Variants in EIF2AK2 observed in about 807,000 individuals in gnomAD.
EIF2AK2 encodes eukaryotic translation initiation factor 2 alpha kinase 2.
In EIF2AK2, 40 loss-of-function variants were observed where a neutral mutation model predicts 70.5. The ratio of observed to expected loss-of-function variants is 0.57; its 90% CI spans 0.44 to 0.74. EIF2AK2 has a LOEUF of 0.74. EIF2AK2 is among the 30% of genes least tolerant of loss of function. The pLI, the probability that EIF2AK2 is intolerant of heterozygous loss-of-function variation, is 0.00. For missense variants in EIF2AK2, 555 were observed against 644.3 expected (o/e 0.86, Z 1.50); for synonymous variants, 198 against 220.9 (o/e 0.90, Z 0.92).
At chr2:37,135,622 C>A in intron 9 of EIF2AK2, 76 bp from the exon 10 acceptor site, 1 of 1,347,122 alleles carries the variant, frequency 7.4e-7, no homozygotes, top group South Asian at 1.3e-5. Context: ...TAATGTTAAC[C>A]TTTTTCTTTC....
rs1673933426 is a variant in EIF2AK2 at position 37,105,460 on chromosome 2, T to C, written c.*1813A>G. 6.6e-6 allele frequency: 1 copy of C among 152,270 alleles called. No individual in the cohort carries two copies. The highest frequency in any genetic ancestry group is 2.4e-5 in the African/African-American group (1 of 41,448). The allele number at this position is 152,270 out of a possible 1,614,324, so 9.4% of individuals were successfully genotyped here. The stretch of plus-strand genomic sequence containing the variant: ...CTCCCTCGCTCTCTTGCTTCCTCTC[T>C]TGCCATATGATCTCTGCACATCCGG... On this transcript the variant is annotated 3_prime_UTR_variant, in exon 17 of 17. Transcript: ENST00000233057.
intron 14 of EIF2AK2, among the ~76,000 whole-genome samples, chr2:37,110,261 A>AT (rs144095419): frequency 0.14 from 19,774 of 145,882 alleles, 1,424 homozygotes; most frequent in African/African-American, 0.18. Flanking sequence ...GTATTTCTGT[A>AT]TTTTTGTTTT....
intron 12 of EIF2AK2, among the ~76,000 whole-genome samples, chr2:37,121,250 G>A (rs1258466165): frequency 2.9e-5 from 3 of 103,714 alleles, no homozygotes; most frequent in Non-Finnish European, 5.3e-5. Context: ...GCGACAGTGC[G>A]AGACACCGTC....
At chr2:37,147,446 A>T (rs1309201028) in intron 3 of EIF2AK2, among the ~76,000 whole-genome samples, 1 of 142,868 alleles carries the variant, frequency 7.0e-6, no homozygotes. Flanking sequence ...ATATCTCCTA[A>T]TGCTATCCCT....
At chr2:37,116,115 T>A (rs1674332840) in intron 13 of EIF2AK2, among the ~76,000 whole-genome samples, 1 of 152,102 alleles carries the variant, frequency 6.6e-6, no homozygotes, top group Non-Finnish European at 1.5e-5. Flanking sequence ...GCCAGATTGG[T>A]CTCAAACTCC....
intron 4 of EIF2AK2, among the ~76,000 whole-genome samples, chr2:37,144,326 CT>C (rs201890141): frequency 3.6e-4 from 53 of 148,868 alleles, no homozygotes; most frequent in Non-Finnish European, 5.3e-4. Context: ...ATTTACTATA[CT>C]TTTTTTATCA....
chr2:37,126,990 A>AAAAAAAC (rs1674759461), intron 10 of EIF2AK2, among the ~76,000 whole-genome samples: 1 of 129,506 alleles, frequency 7.7e-6, no homozygotes, highest in African/African-American at 2.8e-5. Context: ...AAAAAAAAAA[A>AAAAAAAC]AAAAAAAAAA....
Position 37,100,417 on chromosome 2 carries a change from A to G in EIF2AK2, c.*6856T>C, listed in dbSNP as rs975076467. 6.6e-6 allele frequency: 1 copy of G among 152,250 alleles called. No homozygotes were observed. The highest frequency in any genetic ancestry group is 1.5e-5 in the Non-Finnish European group (1 of 68,032). 9.4% of individuals were successfully genotyped at this position (152,250 alleles called of 1,614,324 possible). A position where few individuals can be genotyped will look rare whatever the true frequency, so the allele number is the denominator to read the frequency against. ...TGGTAATTTGTTAGTTATAGCAGCC[A>G]TAAGAAATTAATACAGGTCCAAATC... On this transcript the variant is annotated 3_prime_UTR_variant, in exon 17 of 17. Transcript: ENST00000233057.
chr2:37,151,103 T>G (rs1441583645), intron 1 of EIF2AK2, among the ~76,000 whole-genome samples: 1 of 152,140 alleles, frequency 6.6e-6, no homozygotes. Flanking sequence ...TAAATTGGGC[T>G]TCATCAAAAT....
At position 37,109,238 on chromosome 2, in the gene EIF2AK2, C is replaced by T; in HGVS notation, c.1435G>A (p.Ala479Thr). 6.2e-7 allele frequency: 1 copy of T among 1,614,188 alleles called. No individual in the cohort carries two copies. Among genetic ancestry groups the T allele is most frequent in the East Asian group, 2.2e-5 (1 of 44,880 alleles). Residue 479 changes from alanine (A) to threonine (T), a missense_variant, in exon 15 of 17, where the codon GCT becomes ACT. This residue lies in a region of EIF2AK2 where 299 missense variants were observed against 375.4 expected (regional missense o/e 0.80). Transcript: ENST00000233057. Reference sequence around the variant, plus strand: ...GTGTCACATACATGAAGAAGTTCAGCAAGAATTAGCCCCAAAGCGTAGAGG... The same window carrying T: ...GTGTCACATACATGAAGAAGTTCAGTAAGAATTAGCCCCAAAGCGTAGAGG... The part of the protein sequence containing the change: ...VDLYALGLIL[A>T]ELLHVCDTAF...
chr2:37,138,762 T>A (rs1675216435), intron 6 of EIF2AK2, among the ~76,000 whole-genome samples, 177 bp from the exon 7 acceptor site: 1 of 152,194 alleles, frequency 6.6e-6, no homozygotes, highest in South Asian at 2.1e-4. Context: ...TTTTATTTTT[T>A]ATTTTACTTT....
chr2:37,109,431 G>A lies in EIF2AK2; in HGVS notation c.1378-136C>T, dbSNP rs188280301. 14 of 669,308 alleles carry A rather than the reference G, an allele frequency of 2.1e-5. No homozygotes were observed. In the East Asian group the frequency reaches 2.8e-4, roughly 13 times the overall value. 41.5% of individuals were successfully genotyped at this position (669,308 alleles called of 1,614,324 possible). On this transcript the variant is annotated intron_variant, in intron 14 of 16. Coordinates refer to ENST00000233057, the MANE Select transcript of EIF2AK2 (RefSeq NM_001135651.3). ...TCTATTTATTAGCAAAATCTGTGGA[G>A]TCTGACTGCCTAGGTTCAAATCTGT... is the stretch of plus-strand genomic sequence containing the variant.
chr2:37,147,091 T>A, intron 3 of EIF2AK2, 118 bp from the exon 4 acceptor site: 1 of 950,504 alleles, frequency 1.1e-6, no homozygotes, highest in Non-Finnish European at 1.5e-6. Context: ...CTACATTCAA[T>A]ATAGCATTTA....
chr2:37,138,860 A>G (rs140526162), intron 6 of EIF2AK2, among the ~76,000 whole-genome samples: 34 of 152,166 alleles, frequency 2.2e-4, no homozygotes, highest in African/African-American at 7.7e-4. Flanking sequence ...CAGTGGCACA[A>G]TCTTGGCTCA....
intron 13 of EIF2AK2, among the ~76,000 whole-genome samples, chr2:37,117,847 C>A (rs969517385): frequency 6.6e-6 from 1 of 152,172 alleles, no homozygotes; most frequent in Non-Finnish European, 1.5e-5. Context: ...GTAAGAGGGG[C>A]TGTGTTAGGT....
intron 10 of EIF2AK2, among the ~76,000 whole-genome samples, chr2:37,134,616 T>G (rs887568198): frequency 6.6e-6 from 1 of 152,198 alleles, no homozygotes; most frequent in African/African-American, 2.4e-5. Flanking sequence ...AAATAACTCT[T>G]CCTATATCGC....
At chr2:37,148,787 C>G (rs1379866842) in intron 2 of EIF2AK2, 70 bp downstream of exon 2, 6 of 823,012 alleles carry the variant, frequency 7.3e-6, no homozygotes, top group African/African-American at 6.7e-5. Flanking sequence ...ACTAGCCCCC[C>G]AGAATTTGCA....
At chr2:37,149,244 A>G in intron 1 of EIF2AK2, 2 of 1,098,332 alleles carry the variant, frequency 1.8e-6, no homozygotes, top group Non-Finnish European at 2.8e-6. Flanking sequence ...CGCAAGTCAC[A>G]AAGTATGAGC....
At chr2:37,155,244 A>G (rs1379315826) in intron 1 of EIF2AK2, among the ~76,000 whole-genome samples, 1 of 152,062 alleles carries the variant, frequency 6.6e-6, no homozygotes. Flanking sequence ...TTTCAGCTCA[A>G]AATCCCAGAC....
Sources: allele counts gnomAD v4.1 joint callset (sites outside exome capture counted in the v4.1 genomes callset), GRCh38; gene constraint gnomAD v4.1.1; regional missense constraint gnomAD v4.1.1; transcripts MANE v1.5; gene names NCBI Gene and HGNC (gene_info 2026-07-23, HGNC 2026-07-21).